ADGRL3: variants seen among roughly 807,000 people sequenced by gnomAD.
The protein encoded by ADGRL3 is adhesion G protein-coupled receptor L3, also known as calcium-independent alpha-latrotoxin receptor 3.
ADGRL3 carries 62 observed loss-of-function variants against 153.5 expected under a neutral mutation model. That is an observed-to-expected ratio of 0.40 (90% CI 0.33 to 0.50). The LOEUF (loss-of-function observed/expected upper bound fraction) is 0.50. ADGRL3 is among the 20% of genes least tolerant of loss of function. The pLI, the probability that ADGRL3 is intolerant of heterozygous loss-of-function variation, is 0.47. For synonymous variants in ADGRL3, 710 were observed against 672.5 expected, an observed-to-expected ratio of 1.06 and a Z score of -0.86; for missense variants, 1,641 against 1,859.4, an observed-to-expected ratio of 0.88 and a Z score of 2.16.
intron 15 of ADGRL3, among the ~76,000 whole-genome samples, chr4:61,946,327 A>G (rs1465259446): frequency 6.6e-6 from 1 of 151,972 alleles, no homozygotes; most frequent in Non-Finnish European, 1.5e-5. Flanking sequence ...GATACTGATC[A>G]TTTTTCATGT....
chr4:61,344,218 T>G lies in ADGRL3; in HGVS notation c.-239-38906T>G, dbSNP rs1013877735. Reference sequence around the variant, plus strand: ...TTGCTCAGTGAAAAAGAAGATTTCTTTAAGACCTTCCTTCAAAGTCACTTG... The same window carrying G: ...TTGCTCAGTGAAAAAGAAGATTTCTGTAAGACCTTCCTTCAAAGTCACTTG... On this transcript the variant is annotated intron_variant, in intron 1 of 26. Transcript: ENST00000683033. 3.9e-5 allele frequency among the ~76,000 whole-genome samples: 6 copies of G among 152,214 alleles called. No individual in the cohort carries two copies. The East Asian group carries it at 1.2e-3, about 29-fold the overall frequency.
intron 9 of ADGRL3, among the ~76,000 whole-genome samples, chr4:61,844,788 A>G (rs1332426605): frequency 1.3e-5 from 2 of 151,540 alleles, no homozygotes; most frequent in Non-Finnish European, 2.9e-5. Flanking sequence ...AACAGACTCA[A>G]GCTACTTTCA....
chr4:61,352,370 T>A (rs559936762), intron 1 of ADGRL3, among the ~76,000 whole-genome samples: 115 of 152,204 alleles, frequency 7.6e-4, no homozygotes, highest in African/African-American at 2.7e-3. Flanking sequence ...TATTGTACAC[T>A]GAATAGACTA....
At chr4:61,267,038 G>T (rs938253171) in intron 1 of ADGRL3, among the ~76,000 whole-genome samples, 1 of 151,470 alleles carries the variant, frequency 6.6e-6, no homozygotes, top group Non-Finnish European at 1.5e-5. Flanking sequence ...CTAATAGTAG[G>T]TTTGATGTAT....
At chr4:61,478,180 A>T (rs1466985169) in intron 2 of ADGRL3, among the ~76,000 whole-genome samples, 1 of 152,108 alleles carries the variant, frequency 6.6e-6, no homozygotes, top group Admixed American at 6.6e-5. Flanking sequence ...ATGGGCATTT[A>T]GGATGAACTA....
intron 1 of ADGRL3, among the ~76,000 whole-genome samples, chr4:61,369,672 GA>G (rs2096482342): frequency 6.6e-6 from 1 of 152,182 alleles, no homozygotes; most frequent in African/African-American, 2.4e-5. Flanking sequence ...GTTCATCAAG[GA>G]TATTGGTCTA....
intron 21 of ADGRL3, among the ~76,000 whole-genome samples, chr4:62,027,083 C>A (rs1020238787): frequency 6.6e-6 from 1 of 151,892 alleles, no homozygotes. Context: ...GTGAACAGGA[C>A]ATCACAGATG....
chr4:61,488,146 A>G (rs1046197913), intron 2 of ADGRL3, among the ~76,000 whole-genome samples: 3 of 152,166 alleles, frequency 2.0e-5, no homozygotes, highest in African/African-American at 4.8e-5. Context: ...CATTAAATAT[A>G]AATTTGTTTC....
chr4:61,728,511 G>T (rs557861335), intron 6 of ADGRL3, among the ~76,000 whole-genome samples: 1 of 152,170 alleles, frequency 6.6e-6, no homozygotes, highest in East Asian at 1.9e-4. Flanking sequence ...TTCTCATTAA[G>T]TATTTGTTGA....
chr4:61,498,317 G>A (rs1204217331), intron 3 of ADGRL3, among the ~76,000 whole-genome samples: 2 of 152,080 alleles, frequency 1.3e-5, no homozygotes, highest in Non-Finnish European at 2.9e-5. Context: ...TTAGGAGGCC[G>A]AGTTGGGCAG....
chr4:61,576,709 A>T (rs897555412), intron 4 of ADGRL3, among the ~76,000 whole-genome samples: 1 of 151,428 alleles, frequency 6.6e-6, no homozygotes, highest in African/African-American at 2.4e-5. Context: ...CAATTTGCAG[A>T]CTTATTCCTA....
chr4:61,323,013 A>G (rs2095393175), intron 1 of ADGRL3, among the ~76,000 whole-genome samples: 1 of 152,196 alleles, frequency 6.6e-6, no homozygotes, highest in Non-Finnish European at 1.5e-5. Context: ...TGTTTCCATA[A>G]ATCCTGTGAA....
chr4:61,790,564 G>A (rs1175033383), intron 8 of ADGRL3, among the ~76,000 whole-genome samples: 3 of 152,098 alleles, frequency 2.0e-5, no homozygotes, highest in Admixed American at 2.0e-4. Context: ...ATATTAATGT[G>A]GTCTCTCTCA....
intron 3 of ADGRL3, among the ~76,000 whole-genome samples, chr4:61,504,737 A>C (rs908229450): frequency 6.6e-6 from 1 of 152,026 alleles, no homozygotes; most frequent in African/African-American, 2.4e-5. Flanking sequence ...TATTTCTCAT[A>C]TATTACTGAT....
chr4:61,805,910 A>C (rs546723539), intron 8 of ADGRL3, among the ~76,000 whole-genome samples: 1 of 152,320 alleles, frequency 6.6e-6, no homozygotes, highest in South Asian at 2.1e-4. Context: ...GAGAGTTAAC[A>C]TCGTTATCAA....
chr4:61,810,783 A>T (rs543922639), intron 8 of ADGRL3, among the ~76,000 whole-genome samples: 4 of 152,102 alleles, frequency 2.6e-5, no homozygotes, highest in African/African-American at 9.6e-5. Context: ...AGGTTTTTTT[A>T]TGTGTTTTTC....
intron 2 of ADGRL3, among the ~76,000 whole-genome samples, chr4:61,424,732 T>C (rs918696877): frequency 6.6e-6 from 1 of 152,154 alleles, no homozygotes; most frequent in African/African-American, 2.4e-5. Flanking sequence ...ATCAACCTCA[T>C]TGGTTAACAG....
At chr4:61,744,495 C>G (rs1043425134) in intron 8 of ADGRL3, among the ~76,000 whole-genome samples, 15 of 152,072 alleles carry the variant, frequency 9.9e-5, no homozygotes, top group African/African-American at 3.1e-4. Context: ...CTCACACCGC[C>G]GGGTACTCCT....
chr4:61,353,057 G>T (rs923290308), intron 1 of ADGRL3, among the ~76,000 whole-genome samples: 4 of 152,092 alleles, frequency 2.6e-5, no homozygotes, highest in Non-Finnish European at 5.9e-5. Flanking sequence ...CTCAGTTACC[G>T]TATCTTAGGG....
Sources: allele counts gnomAD v4.1 joint callset (sites outside exome capture counted in the v4.1 genomes callset), GRCh38; gene constraint gnomAD v4.1.1; transcripts MANE v1.5; gene names NCBI Gene and HGNC (gene_info 2026-07-23, HGNC 2026-07-21).